GRK7: variants seen among roughly 807,000 people sequenced by gnomAD.
GRK7 encodes the protein rhodopsin kinase GRK7.
A neutral mutation model predicts 34.1 loss-of-function variants in GRK7; 24 were observed. The ratio of observed to expected loss-of-function variants is 0.70; its 90% CI spans 0.51 to 0.99. GRK7 has a LOEUF of 0.99. Among genes scored for constraint, GRK7 ranks in the 50% least tolerant of loss-of-function variants. The pLI is 0.00. For synonymous variants in GRK7, 256 were observed against 279.4 expected (o/e 0.92, Z 0.84); for missense variants, 644 against 707.3 (o/e 0.91, Z 1.02).
intron 4 of GRK7, 107 bp downstream of exon 4, chr3:141,780,918 G>GT (rs919284913): frequency 9.1e-5 from 96 of 1,049,720 alleles, no homozygotes; most frequent in South Asian, 3.0e-4. Flanking sequence ...AATTCTTTTG[G>GT]TTTTTTTTCC....
upstream of GRK7, among the ~76,000 whole-genome samples, chr3:141,761,687 C>T (rs2084555345): frequency 8.0e-6 from 1 of 124,412 alleles, no homozygotes; most frequent in Non-Finnish European, 1.7e-5. Context: ...GGGAAGTTCT[C>T]CTGGATAATA....
intron 4 of GRK7, among the ~76,000 whole-genome samples, chr3:141,806,959 G>C (rs543119655): frequency 2.0e-5 from 3 of 151,720 alleles, no homozygotes; most frequent in African/African-American, 7.3e-5. Flanking sequence ...TATATATAAA[G>C]TGAATATGTA....
the GRK7 span, among the ~76,000 whole-genome samples, chr3:141,750,229 C>A: frequency 6.6e-6 from 1 of 152,140 alleles, no homozygotes; most frequent in Non-Finnish European, 1.5e-5. Flanking sequence ...TGGGAGTAAG[C>A]TTTGCAATCA....
upstream of GRK7, among the ~76,000 whole-genome samples, chr3:141,760,362 T>C (rs2084549977): frequency 7.1e-6 from 1 of 141,704 alleles, no homozygotes. Context: ...CTGCCTTCAT[T>C]TCGTTATGTA....
At chr3:141,803,304 C>T (rs927232240) in intron 4 of GRK7, among the ~76,000 whole-genome samples, 3 of 150,224 alleles carry the variant, frequency 2.0e-5, no homozygotes, top group Admixed American at 6.6e-5. Context: ...TGGTGGTGCA[C>T]GCCTGTAGTC....
chr3:141,792,403 C>CAAAA (rs112448886), intron 4 of GRK7, among the ~76,000 whole-genome samples: 82 of 84,632 alleles, frequency 9.7e-4, no homozygotes, highest in African/African-American at 2.8e-3. Flanking sequence ...GATTTTGTCT[C>CAAAA]AAAAAAAAAA....
intron 2 of GRK7, among the ~76,000 whole-genome samples, 177 bp from the exon 3 acceptor site, chr3:141,777,995 G>A (rs1474093805): frequency 7.9e-5 from 12 of 152,228 alleles, no homozygotes; most frequent in Admixed American, 7.9e-4. Flanking sequence ...TGTGGAGAAA[G>A]ACCCTAAGAT....
chr3:141,780,935 G>A (rs1369191246), intron 4 of GRK7, 124 bp downstream of exon 4: 13 of 813,916 alleles, frequency 1.6e-5, no homozygotes, highest in East Asian at 2.7e-5. Context: ...TTCCTAAAGC[G>A]CTTACGTTGT....
Position 141,780,506 on chromosome 3 carries a change from C to G in GRK7, c.745C>G (p.Pro249Ala). ...EKEILEKVSS[P>A]FIVSLAYAFE... ...GGAAATCTTGGAGAAGGTCAGCAGC[C>G]CTTTCATTGTCTCTCTGGCCTATGC... Residue 249 changes from proline (P) to alanine (A), a missense_variant, in exon 4 of 6, where the codon CCT becomes GCT. Transcript: ENST00000682958. The G allele has an allele frequency of 2.5e-6, 4 of 1,614,232 alleles. No individual in the cohort carries two copies. Among genetic ancestry groups the G allele is most frequent in the Non-Finnish European group, 3.4e-6 (4 of 1,180,050 alleles).
chr3:141,790,813 C>T (rs577591274), intron 4 of GRK7, among the ~76,000 whole-genome samples: 3 of 152,310 alleles, frequency 2.0e-5, no homozygotes, highest in African/African-American at 7.2e-5. Context: ...ATCTGCCCAC[C>T]TCGGCCTCTC....
chr3:141,762,816 A>C (rs1322583423), upstream of GRK7, among the ~76,000 whole-genome samples: 1 of 151,732 alleles, frequency 6.6e-6, no homozygotes, highest in Non-Finnish European at 1.5e-5. Context: ...CAGGTGAGGG[A>C]TATAATCTCG....
chr3:141,776,852 G>C (rs2084642200), intron 2 of GRK7, among the ~76,000 whole-genome samples: 1 of 152,044 alleles, frequency 6.6e-6, no homozygotes, highest in African/African-American at 2.4e-5. Flanking sequence ...TGAATGACTT[G>C]TTTTTAAGCT....
chr3:141,789,582 G>A (rs2084713375), intron 4 of GRK7, among the ~76,000 whole-genome samples: 1 of 148,450 alleles, frequency 6.7e-6, no homozygotes, highest in African/African-American at 2.5e-5. Context: ...TAAATCTCAT[G>A]GATCGAGAGC....
chr3:141,752,601 A>G, the GRK7 span, among the ~76,000 whole-genome samples: 7 of 152,360 alleles, frequency 4.6e-5, no homozygotes, highest in Admixed American at 2.0e-4. Context: ...TCAAACTTGT[A>G]TAGCCCTTAT....
At chr3:141,802,464 T>C (rs1710980251) in intron 4 of GRK7, among the ~76,000 whole-genome samples, 1 of 151,794 alleles carries the variant, frequency 6.6e-6, no homozygotes, top group Admixed American at 6.6e-5. Context: ...CTGATAGCCA[T>C]GATAGCCATG....
chr3:141,804,825 A>C (rs1397188600), intron 4 of GRK7, among the ~76,000 whole-genome samples: 1 of 151,382 alleles, frequency 6.6e-6, no homozygotes, highest in South Asian at 2.1e-4. Context: ...AAACATGCTC[A>C]CATACACTCA....
At chr3:141,800,067 G>A (rs1388018631) in intron 4 of GRK7, among the ~76,000 whole-genome samples, 2 of 152,176 alleles carry the variant, frequency 1.3e-5, no homozygotes, top group African/African-American at 4.8e-5. Context: ...TTTGGATGTT[G>A]TTTATAGTCT....
intron 4 of GRK7, among the ~76,000 whole-genome samples, chr3:141,782,688 A>G (rs2681698): frequency 0.74 from 112,916 of 151,774 alleles, 42,098 homozygotes; most frequent in Middle Eastern, 0.88. Context: ...TAAGAAGTAG[A>G]AGGCTACTTG....
chr3:141,758,508 A>T (rs1309696086), upstream of GRK7, among the ~76,000 whole-genome samples: 1 of 18,324 alleles, frequency 5.5e-5, no homozygotes, highest in Non-Finnish European at 1.2e-4. Context: ...TGTTCCATTG[A>T]TCTATATCTC....
Sources: gnomAD v4.1 joint callset for allele counts (sites outside exome capture counted in the v4.1 genomes callset) on GRCh38, gnomAD v4.1.1 for gene constraint, MANE v1.5 for transcripts, NCBI Gene and HGNC (gene_info 2026-07-23, HGNC 2026-07-21) for gene names.